Variants in WDR27 observed in about 807,000 individuals in gnomAD.
WDR27 encodes WD repeat-containing protein 27.
Under a neutral mutation model 114.4 loss-of-function variants are expected in WDR27, and 100 were observed. The observed-to-expected ratio is 0.87, with a 90% CI of 0.74 to 1.03. The LOEUF (loss-of-function observed/expected upper bound fraction) is 1.03. WDR27 is among the 50% of genes least tolerant of loss of function. The pLI is 0.00. For synonymous variants in WDR27, 449 were observed against 423.1 expected, an observed-to-expected ratio of 1.06 and a Z score of -0.75; for missense variants, 1,129 against 1,092.9, an observed-to-expected ratio of 1.03 and a Z score of -0.47.
chr6:169,596,612 T>G (rs1806837487), intron 23 of WDR27, among the ~76,000 whole-genome samples: 1 of 152,108 alleles, frequency 6.6e-6, no homozygotes, highest in African/African-American at 2.4e-5. Context: ...ATCCTTATTT[T>G]TTTTTGTATT....
chr6:169,556,871 C>T (rs558320287), intron 25 of WDR27, among the ~76,000 whole-genome samples: 333 of 152,152 alleles, frequency 2.2e-3, no homozygotes, highest in African/African-American at 7.2e-3. Flanking sequence ...AATACTACTC[C>T]GCAACCACCT....
chr6:169,523,173 C>T (rs1292913134), intron 25 of WDR27, among the ~76,000 whole-genome samples: 1 of 151,856 alleles, frequency 6.6e-6, no homozygotes, highest in African/African-American at 2.4e-5. Flanking sequence ...GATATGCCAA[C>T]AAATTGAAAA....
intron 25 of WDR27, among the ~76,000 whole-genome samples, chr6:169,494,116 G>A (rs1790113861): frequency 6.6e-6 from 1 of 152,210 alleles, no homozygotes; most frequent in Admixed American, 6.5e-5. Flanking sequence ...CAACTTGACT[G>A]TGTGATGGGG....
chr6:169,576,468 T>C (rs1802351815), intron 24 of WDR27, among the ~76,000 whole-genome samples: 1 of 152,186 alleles, frequency 6.6e-6, no homozygotes. Flanking sequence ...TAAAATAAAT[T>C]ATTTTTCAGA....
intron 15 of WDR27, 86 bp downstream of exon 15, chr6:169,649,112 A>AT: frequency 8.9e-7 from 1 of 1,117,690 alleles, no homozygotes; most frequent in Non-Finnish European, 1.3e-6. Flanking sequence ...ATAAGGTTTT[A>AT]TATCTGTTTG....
intron 25 of WDR27, among the ~76,000 whole-genome samples, chr6:169,565,269 G>T (rs1800288731): frequency 6.6e-6 from 1 of 152,272 alleles, no homozygotes; most frequent in Non-Finnish European, 1.5e-5. Context: ...CCTAATTTTT[G>T]GGGGGCAAAA....
chr6:169,491,518 G>A lies in WDR27; in HGVS notation c.2646-33884C>T, dbSNP rs570915846. Among the ~76,000 whole-genome samples, 20 of 151,920 alleles carry A rather than the reference G, an allele frequency of 1.3e-4. No individual in the cohort carries two copies. In the South Asian group the frequency reaches 2.5e-3, roughly 19 times the overall value. On this transcript the variant is annotated intron_variant, in intron 25 of 25. Coordinates refer to ENST00000448612, the MANE Select transcript of WDR27 (RefSeq NM_182552.5). Reference sequence around the variant, plus strand: ...AAATTATATATAAAATATAAGAGAAGAAATAAATTGACATAGCCAGGCTTA... The same window carrying A: ...AAATTATATATAAAATATAAGAGAAAAAATAAATTGACATAGCCAGGCTTA...
At chr6:169,631,470 T>C (rs868401954) in intron 21 of WDR27, among the ~76,000 whole-genome samples, 5 of 152,116 alleles carry the variant, frequency 3.3e-5, no homozygotes, top group South Asian at 2.1e-4. Context: ...AAGACGCCTG[T>C]CGGAGCCTTT....
At chr6:169,533,823 CTGTGTG>C (rs71008099) in intron 25 of WDR27, among the ~76,000 whole-genome samples, 38 of 149,904 alleles carry the variant, frequency 2.5e-4, no homozygotes, top group African/African-American at 7.8e-4. Flanking sequence ...GAAGGTAAGC[CTGTGTG>C]TGTGTGTGTG....
At position 169,475,029 on chromosome 6, in the gene WDR27, A is replaced by T. The variant is rs76142206; in HGVS notation, c.2646-17395T>A. Reference sequence around the variant, plus strand: ...ATCAAGGCACACTTTTTAATATATTACTCCTTTCTCCACTTTAAACCTTAC... The same window carrying T: ...ATCAAGGCACACTTTTTAATATATTTCTCCTTTCTCCACTTTAAACCTTAC... On this transcript the variant is annotated intron_variant, in intron 25 of 25. Transcript: ENST00000448612. Among the ~76,000 whole-genome samples, 204 of 151,818 alleles carry T rather than the reference A, an allele frequency of 1.3e-3. 3 individuals carry two copies. In the East Asian group the frequency reaches 0.032, roughly 24 times the overall value.
At chr6:169,654,735 G>A (rs73790084) in intron 13 of WDR27, among the ~76,000 whole-genome samples, 65 of 150,588 alleles carry the variant, frequency 4.3e-4, no homozygotes, top group African/African-American at 1.3e-3. Flanking sequence ...GCGCGCACAG[G>A]AGGAGGCGCG....
chr6:169,686,209 AAGG>A (rs1183009887), intron 2 of WDR27, among the ~76,000 whole-genome samples: 2 of 152,180 alleles, frequency 1.3e-5, no homozygotes, highest in African/African-American at 4.8e-5. Context: ...TTTTATCCGG[AAGG>A]AGAAGGATGA....
chr6:169,505,005 C>T (rs949920741), intron 25 of WDR27, among the ~76,000 whole-genome samples: 5 of 152,184 alleles, frequency 3.3e-5, no homozygotes, highest in African/African-American at 7.2e-5. Context: ...ATCTTGCATA[C>T]TTTGCCAGAG....
intron 23 of WDR27, among the ~76,000 whole-genome samples, chr6:169,595,201 A>T (rs1806538802): frequency 6.6e-6 from 1 of 152,230 alleles, no homozygotes; most frequent in Non-Finnish European, 1.5e-5. Context: ...CATCAATATG[A>T]CTGACATTTT....
intron 18 of WDR27, among the ~76,000 whole-genome samples, chr6:169,637,605 G>A (rs59388606): frequency 0.035 from 5,290 of 152,242 alleles, 322 homozygotes; most frequent in African/African-American, 0.12. Context: ...ATCTATATGC[G>A]TGTGAATATG....
chr6:169,687,244 A>G (rs925083872), intron 2 of WDR27, among the ~76,000 whole-genome samples: 21 of 152,152 alleles, frequency 1.4e-4, no homozygotes, highest in African/African-American at 9.7e-5. Context: ...AATATTACAT[A>G]TACCCCCAAA....
intron 25 of WDR27, among the ~76,000 whole-genome samples, chr6:169,494,036 T>C (rs1790104196): frequency 6.6e-6 from 1 of 152,212 alleles, no homozygotes; most frequent in Admixed American, 6.5e-5. Context: ...ACAATATAGA[T>C]TTATTTAATT....
intron 25 of WDR27, among the ~76,000 whole-genome samples, chr6:169,492,487 G>A (rs1290891861): frequency 6.6e-6 from 1 of 152,070 alleles, no homozygotes; most frequent in Non-Finnish European, 1.5e-5. Flanking sequence ...AGCAACATTA[G>A]ACACCCGAAG....
rs1248697218 is a variant in WDR27, at chr6:169,592,262, G to C, written c.2425-9328C>G. On this transcript the variant is annotated intron_variant, in intron 23 of 25. Transcript: ENST00000448612. ...TGGCATTTTGTTGTTGTTGTTGTTGGGGGAGTGTTAAATCTACACATTACC... is the reference window on the plus strand; with the variant it reads ...TGGCATTTTGTTGTTGTTGTTGTTGCGGGAGTGTTAAATCTACACATTACC... Among the ~76,000 whole-genome samples the C allele has an allele frequency of 2.0e-5, 3 of 152,034 alleles. No individual in the cohort carries two copies. In the East Asian group the frequency reaches 5.8e-4, roughly 29 times the overall value.
Sources: gnomAD v4.1 joint callset for allele counts (sites outside exome capture counted in the v4.1 genomes callset) on GRCh38, gnomAD v4.1.1 for gene constraint, MANE v1.5 for transcripts, NCBI Gene and HGNC (gene_info 2026-07-23, HGNC 2026-07-21) for gene names.